The following ANKRD2 variants were observed in gnomAD, a reference collection of about 807,000 sequenced individuals.
The protein encoded by ANKRD2 is ankyrin repeat domain 2.
ANKRD2 carries 35 observed loss-of-function variants against 37.3 expected under a neutral mutation model. The ratio of observed to expected loss-of-function variants is 0.94; its 90% confidence interval spans 0.72 to 1.24. The LOEUF (loss-of-function observed/expected upper bound fraction) is 1.24, where lower values mean the gene tolerates loss of function less well. Among genes scored for constraint, ANKRD2 ranks in the 50% most tolerant of loss-of-function variants. The pLI is 0.00. For synonymous variants in ANKRD2, 159 were observed against 186.5 expected, an observed-to-expected ratio of 0.85 and a Z score of 1.20; for missense variants, 410 against 445.6, an observed-to-expected ratio of 0.92 and a Z score of 0.72.
intron 2 of ANKRD2, 87 bp from the exon 3 acceptor site, chr10:97,578,153 A>ACCC: frequency 2.7e-5 from 6 of 218,904 alleles, no homozygotes; most frequent in East Asian, 9.1e-5. Flanking sequence ...TGCCCACCCC[A>ACCC]CCCTCCCCAC....
chr10:97,576,227 C>T (rs1236982328), intron 1 of ANKRD2, among the ~76,000 whole-genome samples: 2 of 151,738 alleles, frequency 1.3e-5, no homozygotes, highest in South Asian at 2.1e-4. Context: ...GCCTCCTTCC[C>T]AGCTGCCACA....
intron 1 of ANKRD2, among the ~76,000 whole-genome samples, chr10:97,573,439 T>G (rs1384682864): frequency 6.6e-6 from 1 of 152,104 alleles, no homozygotes; most frequent in African/African-American, 2.4e-5. Context: ...TCTGCATTTT[T>G]TTTTTTGAGA....
Position 97,580,967 on chromosome 10 carries a change from C to T in ANKRD2, c.555+14C>T. The stretch of plus-strand genomic sequence containing the variant: ...TTCCAGGATCGGGTGAGTGAGAGGG[C>T]AGGTATTCAATGGGAGACAGGAGGT... On this transcript the variant is annotated intron_variant, in intron 5 of 8. Coordinates refer to ENST00000370655, the MANE Select transcript of ANKRD2 (RefSeq NM_001346793.2). 6.4e-7 allele frequency: 1 copy of T among 1,570,066 alleles called. No individual in the cohort carries two copies. Among genetic ancestry groups the T allele is most frequent in the Non-Finnish European group, 8.6e-7 (1 of 1,156,152 alleles).
intron 5 of ANKRD2, 25 bp from the exon 6 acceptor site, chr10:97,581,291 G>T: frequency 6.2e-7 from 1 of 1,609,444 alleles, no homozygotes; most frequent in Non-Finnish European, 8.5e-7. Context: ...CAGCTCTGTA[G>T]TTAGACCCCC....
intron 8 of ANKRD2, 95 bp downstream of exon 8, chr10:97,582,797 A>G (rs546904027): frequency 5.4e-6 from 6 of 1,110,826 alleles, no homozygotes; most frequent in Non-Finnish European, 8.2e-6. Context: ...GCCTAGGGAC[A>G]TGTATCATTG....
chr10:97,577,667 G>A, intron 1 of ANKRD2, 133 bp from the exon 2 acceptor site: 1 of 650,166 alleles, frequency 1.5e-6, no homozygotes, highest in Non-Finnish European at 2.4e-6. Context: ...CTTGCTGGGG[G>A]CTCCCCAGGA....
chr10:97,580,966 G>T lies in ANKRD2; in HGVS notation c.555+13G>T. 1.9e-6 allele frequency: 3 copies of T among 1,572,060 alleles called. No individual in the cohort carries two copies. Among genetic ancestry groups the T allele is most frequent in the Non-Finnish European group, 2.6e-6 (3 of 1,157,616 alleles). On this transcript the variant is annotated intron_variant, in intron 5 of 8. Coordinates refer to ENST00000370655, the MANE Select transcript of ANKRD2 (RefSeq NM_001346793.2). ...CTTCCAGGATCGGGTGAGTGAGAGGGCAGGTATTCAATGGGAGACAGGAGG... is the reference window on the plus strand; with the variant it reads ...CTTCCAGGATCGGGTGAGTGAGAGGTCAGGTATTCAATGGGAGACAGGAGG...
intron 1 of ANKRD2, among the ~76,000 whole-genome samples, chr10:97,575,574 A>G (rs889042899): frequency 3.3e-5 from 5 of 152,202 alleles, no homozygotes; most frequent in Non-Finnish European, 7.3e-5. Context: ...ATTTGAGGCC[A>G]GCCTGGACAA....
intron 1 of ANKRD2, 138 bp downstream of exon 1, chr10:97,573,013 T>G: frequency 8.7e-7 from 1 of 1,154,630 alleles, no homozygotes; most frequent in Admixed American, 2.8e-5. Flanking sequence ...GCCTCATTCC[T>G]GTCCCAGGGT....
rs570095548 is a variant in ANKRD2, at chr10:97,581,497, G to A, written c.654+83G>A. On this transcript the variant is annotated intron_variant, in intron 6 of 8. Coordinates refer to ENST00000370655, the MANE Select transcript of ANKRD2 (RefSeq NM_001346793.2). ...GGGGTCCAAGGGCAGGAAAGCCTAG[G>A]GGGCAGGAAGGTAGTGAGCTAGTCT... 3.3e-4 allele frequency: 448 copies of A among 1,363,850 alleles called. 1 individual carries two copies. The highest frequency in any genetic ancestry group is 1.3e-3 in the Admixed American group (70 of 54,836). The allele number at this position is 1,363,850 out of a possible 1,614,324, so 84.5% of individuals were successfully genotyped here. A position where few individuals can be genotyped will look rare whatever the true frequency, so the allele number is the denominator to read the frequency against.
upstream of ANKRD2, chr10:97,572,765 G>A (rs374472766): frequency 8.7e-6 from 14 of 1,602,072 alleles, no homozygotes; most frequent in African/African-American, 1.3e-5. Context: ...AGCCCCCGAG[G>A]CCCTGTGGCC....
intron 1 of ANKRD2, among the ~76,000 whole-genome samples, chr10:97,576,720 C>T (rs4244323): frequency 0.85 from 126,402 of 149,000 alleles, 56,344 homozygotes; most frequent in Non-Finnish European, 0.98. Context: ...TTTTTGAGAC[C>T]GAGTCTTACT....
At chr10:97,575,276 C>T (rs1704598316) in intron 1 of ANKRD2, among the ~76,000 whole-genome samples, 2 of 152,294 alleles carry the variant, frequency 1.3e-5, no homozygotes, top group African/African-American at 2.4e-5. Context: ...TGCCCCATCC[C>T]CAGGGTGGGA....
chr10:97,580,310 G>T (rs2040881662), intron 4 of ANKRD2, among the ~76,000 whole-genome samples: 1 of 152,232 alleles, frequency 6.6e-6, no homozygotes, highest in Non-Finnish European at 1.5e-5. Flanking sequence ...AGATATTGTG[G>T]CTTGAGCGTT....
intron 6 of ANKRD2, 142 bp downstream of exon 6, chr10:97,581,556 G>A: frequency 1.2e-6 from 1 of 812,388 alleles, no homozygotes; most frequent in Non-Finnish European, 1.9e-6. Context: ...AGCTAAAACA[G>A]TGTCCTACTG....
In ANKRD2 at chr10:97,577,812, G is replaced by A. The variant is rs745475472; in HGVS notation, c.100G>A (p.Asp34Asn). ...QEEENEKLRG[D>N]ARQKLPMDLL... ...TTTGGATCACCAGAAACTCCGAGGA[G>A]ACGCACGCCAGAAGCTGCCCATGGA... Residue 34 changes from aspartate (D) to asparagine (N), a missense_variant, in exon 2 of 9, where the codon GAC becomes AAC. Asp to Asn is a conservative substitution (Grantham distance 23). Coordinates refer to ENST00000370655, the MANE Select transcript of ANKRD2 (RefSeq NM_001346793.2). 4.7e-5 allele frequency: 74 copies of A among 1,564,118 alleles called. 1 individual carries two copies. Among genetic ancestry groups the A allele is most frequent in the South Asian group, 3.4e-4 (29 of 84,914 alleles).
intron 1 of ANKRD2, among the ~76,000 whole-genome samples, chr10:97,576,844 G>T (rs190509029): frequency 6.6e-6 from 1 of 151,236 alleles, no homozygotes; most frequent in South Asian, 2.1e-4. Flanking sequence ...CTACAGGTGC[G>T]TGCCAACACG....
chr10:97,576,342 A>G (rs554663136), intron 1 of ANKRD2, among the ~76,000 whole-genome samples: 2 of 152,302 alleles, frequency 1.3e-5, no homozygotes, highest in East Asian at 3.9e-4. Flanking sequence ...TCACAAAGAG[A>G]GAAGAAGCAG....
chr10:97,580,262 C>G (rs1452574371), intron 4 of ANKRD2, among the ~76,000 whole-genome samples: 2 of 152,234 alleles, frequency 1.3e-5, no homozygotes, highest in Admixed American at 6.5e-5. Context: ...AAGATACTCA[C>G]TGTGTGTGTC....
Sources: gnomAD v4.1 joint callset for allele counts (sites outside exome capture counted in the v4.1 genomes callset) on GRCh38, gnomAD v4.1.1 for gene constraint, MANE v1.5 for transcripts, NCBI Gene and HGNC (gene_info 2026-07-23, HGNC 2026-07-21) for gene names.